ASTN2: variants seen among roughly 807,000 people sequenced by gnomAD.
ASTN2 encodes the protein astrotactin-2.
In ASTN2, 54 loss-of-function variants were observed where a neutral mutation model predicts 139.8. That is an observed-to-expected ratio of 0.39 (90% CI 0.31 to 0.48). The LOEUF (loss-of-function observed/expected upper bound fraction) is 0.48, where lower values mean the gene tolerates loss of function less well. Among genes scored for constraint, ASTN2 ranks in the 20% least tolerant of loss-of-function variants. The probability of loss-of-function intolerance (pLI) is 0.95; values close to 1 mark genes in which losing one functional copy is unlikely to be tolerated. For synonymous variants in ASTN2, 756 were observed against 719.5 expected (o/e 1.05, Z -0.81); for missense variants, 1,565 against 1,725.1 (o/e 0.91, Z 1.64).
chr9:117,374,210 G>A (rs1830060787), intron 1 of ASTN2, among the ~76,000 whole-genome samples: 1 of 151,976 alleles, frequency 6.6e-6, no homozygotes, highest in South Asian at 2.1e-4. Flanking sequence ...ATCCAAGACA[G>A]CCACTAATCA....
At chr9:117,360,803 T>C (rs1157224867) in intron 1 of ASTN2, among the ~76,000 whole-genome samples, 2 of 152,154 alleles carry the variant, frequency 1.3e-5, no homozygotes, top group African/African-American at 4.8e-5. Context: ...TAAAATGAGG[T>C]ACTTATATTA....
chr9:117,403,512 C>T (rs1402334218), intron 1 of ASTN2, among the ~76,000 whole-genome samples: 3 of 152,162 alleles, frequency 2.0e-5, no homozygotes, highest in East Asian at 1.9e-4. Flanking sequence ...GTAGACCAGA[C>T]GTCTTCCTGT....
At chr9:117,160,142 T>C (rs1022666051) in intron 3 of ASTN2, among the ~76,000 whole-genome samples, 2 of 151,976 alleles carry the variant, frequency 1.3e-5, no homozygotes, top group Non-Finnish European at 2.9e-5. Flanking sequence ...GATGGGAAAG[T>C]GTACCCTGCC....
intron 1 of ASTN2, among the ~76,000 whole-genome samples, chr9:117,316,359 C>A (rs573900699): frequency 6.6e-6 from 1 of 151,736 alleles, no homozygotes; most frequent in Admixed American, 6.6e-5. Flanking sequence ...GTGGGGTGAG[C>A]GGTGGGAGAG....
intron 22 of ASTN2, among the ~76,000 whole-genome samples, chr9:116,426,954 G>C (rs1395782988): frequency 3.3e-5 from 5 of 152,126 alleles, no homozygotes; most frequent in Non-Finnish European, 4.4e-5. Context: ...AGGTTATGCT[G>C]AAGACCAGCC....
intron 17 of ASTN2, among the ~76,000 whole-genome samples, chr9:116,647,750 GA>G (rs1320896764): frequency 6.6e-6 from 1 of 152,166 alleles, no homozygotes; most frequent in Non-Finnish European, 1.5e-5. Context: ...CCAAGTCCCA[GA>G]AGGCCAGTTA....
At chr9:116,506,542 G>A (rs1444001010) in intron 19 of ASTN2, among the ~76,000 whole-genome samples, 1 of 152,154 alleles carries the variant, frequency 6.6e-6, no homozygotes, top group East Asian at 1.9e-4. Flanking sequence ...CCTTGCTAGA[G>A]TCCCATGAAC....
chr9:116,944,754 A>G (rs569452242), intron 10 of ASTN2, among the ~76,000 whole-genome samples: 1 of 152,048 alleles, frequency 6.6e-6, no homozygotes, highest in South Asian at 2.1e-4. Context: ...GGGAAGCCAT[A>G]AACAATTTAA....
intron 16 of ASTN2, among the ~76,000 whole-genome samples, chr9:116,695,868 G>A (rs897755615): frequency 8.5e-5 from 13 of 152,148 alleles, no homozygotes; most frequent in Non-Finnish European, 1.5e-4. Context: ...CTCTAAGCCA[G>A]AAATAAACTG....
chr9:116,935,055 G>A (rs181823735), intron 10 of ASTN2, among the ~76,000 whole-genome samples: 3 of 152,278 alleles, frequency 2.0e-5, no homozygotes, highest in Admixed American at 2.0e-4. Context: ...GCCCTGCTAG[G>A]TTGTTGTTAG....
intron 16 of ASTN2, among the ~76,000 whole-genome samples, chr9:116,673,904 A>C (rs1311581071): frequency 6.6e-6 from 1 of 152,212 alleles, no homozygotes; most frequent in Non-Finnish European, 1.5e-5. Context: ...GAGATAGTGA[A>C]AGAGATCTAA....
chr9:116,704,146 G>C (rs1229888929), intron 16 of ASTN2, among the ~76,000 whole-genome samples: 1 of 152,116 alleles, frequency 6.6e-6, no homozygotes, highest in East Asian at 1.9e-4. Context: ...GACCTCAGGT[G>C]ATCACCATAC....
intron 16 of ASTN2, among the ~76,000 whole-genome samples, chr9:116,686,171 G>C (rs2132035453): frequency 6.6e-6 from 1 of 152,216 alleles, no homozygotes; most frequent in South Asian, 2.1e-4. Context: ...AGTAAACAAG[G>C]TTAAGAGAGT....
At chr9:116,676,845 C>T (rs1435441468) in intron 16 of ASTN2, among the ~76,000 whole-genome samples, 1 of 152,064 alleles carries the variant, frequency 6.6e-6, no homozygotes, top group Non-Finnish European at 1.5e-5. Context: ...TGAGGTTTTT[C>T]CCCCCATGGT....
chr9:116,510,668 T>C (rs1283185867), intron 19 of ASTN2, among the ~76,000 whole-genome samples: 3 of 152,178 alleles, frequency 2.0e-5, no homozygotes, highest in African/African-American at 4.8e-5. Context: ...TGTAACCTCT[T>C]TTATTTCGTT....
chr9:116,571,130 T>C (rs1404388219), intron 19 of ASTN2, among the ~76,000 whole-genome samples: 1 of 152,154 alleles, frequency 6.6e-6, no homozygotes, highest in Admixed American at 6.5e-5. Flanking sequence ...TCAGATATGA[T>C]TCGGTGCCAC....
intron 10 of ASTN2, among the ~76,000 whole-genome samples, chr9:116,884,598 A>G (rs555975565): frequency 3.2e-4 from 49 of 152,154 alleles, no homozygotes; most frequent in African/African-American, 1.1e-3. Flanking sequence ...CTTGAACCCC[A>G]GACGCAGAGG....
At chr9:116,768,809 A>G (rs1234341702) in intron 13 of ASTN2, among the ~76,000 whole-genome samples, 1 of 152,342 alleles carries the variant, frequency 6.6e-6, no homozygotes, top group East Asian at 1.9e-4. Flanking sequence ...CCAGGACTAT[A>G]AGAAATAAAT....
At chr9:117,207,139 G>A (rs571757922) in intron 3 of ASTN2, among the ~76,000 whole-genome samples, 2 of 152,258 alleles carry the variant, frequency 1.3e-5, no homozygotes, top group Non-Finnish European at 2.9e-5. Context: ...TGCTCCTGGT[G>A]GGCACACACC....
Sources: gnomAD v4.1 joint callset for allele counts (sites outside exome capture counted in the v4.1 genomes callset) on GRCh38, gnomAD v4.1.1 for gene constraint, MANE v1.5 for transcripts, NCBI Gene and HGNC (gene_info 2026-07-23, HGNC 2026-07-21) for gene names.